Variants in VWA7 observed in about 807,000 individuals in gnomAD.
VWA7 encodes the protein von Willebrand factor A domain-containing protein 7.
Under a neutral mutation model 83.1 loss-of-function variants are expected in VWA7, and 66 were observed. The ratio of observed to expected loss-of-function variants is 0.79; its 90% CI spans 0.65 to 0.98. VWA7 has a LOEUF of 0.98. VWA7 is among the 50% of genes least tolerant of loss of function. The pLI, the probability that VWA7 is intolerant of heterozygous loss-of-function variation, is 0.00. For missense variants in VWA7, 1,080 were observed against 1,160.2 expected, an observed-to-expected ratio of 0.93 and a Z score of 1.00; for synonymous variants, 424 against 488.5, an observed-to-expected ratio of 0.87 and a Z score of 1.74.
intron 7 of VWA7, among the ~76,000 whole-genome samples, chr6:31,771,023 A>AG (rs1241162386): frequency 2.0e-5 from 3 of 149,530 alleles, no homozygotes; most frequent in Non-Finnish European, 4.4e-5. Flanking sequence ...AAAAAAAAAA[A>AG]AAAGAAAGAA....
chr6:31,770,101 A>G lies in VWA7; in HGVS notation c.1100T>C (p.Val367Ala). The G allele has an allele frequency of 6.2e-7, 1 of 1,612,906 alleles. No individual in the cohort carries two copies. Residue 367 changes from valine (V) to alanine (A), a missense_variant, in exon 8 of 17, where the codon GTC (valine) becomes GCC (alanine). Transcript: ENST00000375688. The stretch of plus-strand genomic sequence containing the variant: ...GCTGTCAGGGTCACTGGTTGTAAAG[A>G]CAGGGCCGAACCCTGGGAAGGGGAA... Reference protein sequence around the residue: ...VPFHDPGFGPVFTTSDPDSFW... With the variant: ...VPFHDPGFGPAFTTSDPDSFW...
Position 31,766,055 on chromosome 6 carries a change from G to A in VWA7, c.2327C>T (p.Ala776Val). Reference protein sequence around the residue: ...SFSLTSNLSRAHLELNESAWG... With the variant: ...SFSLTSNLSRVHLELNESAWG... Reference sequence around the variant, plus strand: ...GGCCGACTCATTCAGTTCCAGGTGAGCCCTGGAGAGAGGATATAGGCGTCG... The same window carrying A: ...GGCCGACTCATTCAGTTCCAGGTGAACCCTGGAGAGAGGATATAGGCGTCG... The change falls in exon 16 of 17, where the codon GCT (alanine) becomes GTT (valine). Residue 776 changes from alanine (A) to valine (V), a missense_variant and splice_region_variant. Transcript: ENST00000375688. The surrounding 1 kb of genome is among the most constrained non-coding windows in gnomAD (Gnocchi z 4.9). 1.2e-6 allele frequency: 2 copies of A among 1,612,970 alleles called. No homozygotes were observed. The highest frequency in any genetic ancestry group is 1.7e-6 in the Non-Finnish European group (2 of 1,180,034).
chr6:31,768,489 G>A (rs1363061136), intron 10 of VWA7, among the ~76,000 whole-genome samples: 1 of 152,084 alleles, frequency 6.6e-6, no homozygotes, highest in African/African-American at 2.4e-5. Context: ...GACTTCCTGT[G>A]GTAACCCTGG....
chr6:31,772,924 C>A, intron 7 of VWA7, 30 bp downstream of exon 7: 2 of 1,595,366 alleles, frequency 1.3e-6, no homozygotes, highest in Non-Finnish European at 1.7e-6. Context: ...ATTTTCCTCC[C>A]CTCTACTGTC....
chr6:31,767,877 A>G (rs1481304001), intron 10 of VWA7, 123 bp from the exon 11 acceptor site: 2 of 1,174,884 alleles, frequency 1.7e-6, no homozygotes, highest in African/African-American at 3.1e-5. Flanking sequence ...TCACGCCTGT[A>G]ATCCCAGCAC....
chr6:31,771,410 G>A (rs1028508931), intron 7 of VWA7: 2 of 152,272 alleles, frequency 1.3e-5, no homozygotes, highest in Non-Finnish European at 2.9e-5. Flanking sequence ...ATGGCCTGAA[G>A]CAACTGAAGA....
chr6:31,765,996 C>T lies in VWA7; in HGVS notation c.2386G>A (p.Ala796Thr). Residue 796 changes from alanine (A) to threonine (T), a missense_variant, in exon 16 of 17, where the codon GCG becomes ACG. Physicochemically the swap from Ala to Thr is moderately conservative, Grantham distance 58. Coordinates refer to ENST00000375688, the MANE Select transcript of VWA7 (RefSeq NM_025258.3). ...ACCATCACCACGGAATCCGGGGCCGCTGAATCTGGGACCTCCAGCCACAGG... is the reference window on the plus strand; with the variant it reads ...ACCATCACCACGGAATCCGGGGCCGTTGAATCTGGGACCTCCAGCCACAGG... ...GRLWLEVPDS[A>T]APDSVVMVTV... is the part of the protein sequence containing the mutation. 6.2e-7 allele frequency: 1 copy of T among 1,613,008 alleles called. No individual in the cohort carries two copies. Among genetic ancestry groups the T allele is most frequent in the South Asian group, 1.1e-5 (1 of 91,080 alleles).
rs34193146 is a variant in VWA7 at position 31,771,990 on chromosome 6, CAAAAAAAAA to C, written c.1087+955_1087+963del. The stretch of plus-strand genomic sequence containing the variant: ...TGGGCGACAGAGCGAGACTCCGTCT[CAAAAAAAAA>C]AAAAAAAAAAAAAAAAAGAAAATGG... On this transcript the variant is annotated intron_variant, in intron 7 of 16. Coordinates refer to ENST00000375688, the MANE Select transcript of VWA7 (RefSeq NM_025258.3). Among the ~76,000 whole-genome samples the C allele has an allele frequency of 9.5e-5, 4 of 41,936 alleles. No individual in the cohort carries two copies. The South Asian group carries it at 2.8e-3, about 29-fold the overall frequency. The allele number at this position is 41,936 out of a possible 152,430, so 27.5% of individuals were successfully genotyped here.
In VWA7 at chr6:31,767,443, C is replaced by T. The variant is rs752113687; in HGVS notation, c.1708G>A (p.Val570Met). 10 of 1,612,944 alleles carry T rather than the reference C, an allele frequency of 6.2e-6. No individual in the cohort carries two copies. The East Asian group carries it at 1.3e-4, about 22-fold the overall frequency. Residue 570 changes from valine (V) to methionine (M), a missense_variant, in exon 12 of 17, where the codon GTG (valine) becomes ATG (methionine). Coordinates refer to ENST00000375688, the MANE Select transcript of VWA7 (RefSeq NM_025258.3). ...HTRRFGQFWMVTMDDPPQTGT... is the reference protein window; with the variant it reads ...HTRRFGQFWMMTMDDPPQTGT... ...GTCTGTGGAGGGTCATCCATGGTCA[C>T]CATCCAGAACTGCCCAAAGCGGCGA...
rs1288794676 is a variant in VWA7, at chr6:31,773,777, G to A, written c.722-340C>T. On this transcript the variant is annotated intron_variant, in intron 5 of 16. Coordinates refer to ENST00000375688, the MANE Select transcript of VWA7 (RefSeq NM_025258.3). This position sits in a 1 kb window ranked among gnomAD's most constrained non-coding sequence, Gnocchi z 5.3. ...AAGGAAAATAGCTTGATCCCAAGAG[G>A]CGGAGGTTGCAGTGAACCGAGATCA... Among the ~76,000 whole-genome samples, 2 of 152,130 alleles carry A rather than the reference G, an allele frequency of 1.3e-5. No homozygotes were observed. The highest frequency in any genetic ancestry group is 2.9e-5 in the Non-Finnish European group (2 of 68,032).
chr6:31,773,312 G>A lies in VWA7; in HGVS notation c.847C>T (p.Leu283=). The A allele has an allele frequency of 6.2e-7, 1 of 1,608,938 alleles. No individual in the cohort carries two copies. The highest frequency in any genetic ancestry group is 8.5e-7 in the Non-Finnish European group (1 of 1,177,914). The change falls in exon 6 of 17, where the codon CTG becomes TTG. Residue 283 remains leucine, a synonymous_variant. Coordinates refer to ENST00000375688, the MANE Select transcript of VWA7 (RefSeq NM_025258.3). The surrounding 1 kb of genome is among the most constrained non-coding windows in gnomAD (Gnocchi z 5.3). ...GCCTGGATGGAGGCTAGAAGGGCCA[G>A]TTTTGCAGCCTGGAGGTGCAGCATG... is the stretch of plus-strand genomic sequence containing the variant. ...HHMLHLQAAK[L]ALLASIQAFS...
Position 31,769,148 on chromosome 6 carries a change from T to G in VWA7, c.1373A>C (p.Glu458Ala). The stretch of plus-strand genomic sequence containing the variant: ...CTCAAAACGCAGAGGGGACAAGATC[T>G]CACGCCGAGCTCGACCCTGAACCCT... The part of the protein sequence containing the change: ...TSRVQGRARR[E>A]ILSPLRFEPY... The change falls in exon 10 of 17, where the codon GAG (glutamate) becomes GCG (alanine). Residue 458 changes from glutamate to alanine, a missense_variant. By Grantham distance (107) the Glu-to-Ala change is moderately radical. Coordinates refer to ENST00000375688, the MANE Select transcript of VWA7 (RefSeq NM_025258.3). This position sits in a 1 kb window ranked among gnomAD's most constrained non-coding sequence, Gnocchi z 4.5. The G allele has an allele frequency of 6.2e-7, 1 of 1,613,094 alleles. No homozygotes were observed. Among genetic ancestry groups the G allele is most frequent in the South Asian group, 1.1e-5 (1 of 91,088 alleles).
At position 31,777,286 on chromosome 6, in the gene VWA7, C is replaced by T. The variant is rs1812778839; in HGVS notation, c.-193G>A. 1 of 511,714 alleles carries T rather than the reference C, an allele frequency of 2.0e-6. No homozygotes were observed. Among genetic ancestry groups the T allele is most frequent in the Non-Finnish European group, 3.5e-6 (1 of 286,446 alleles). The allele number at this position is 511,714 out of a possible 1,614,324, so 31.7% of individuals were successfully genotyped here. Reference sequence around the variant, plus strand: ...CTGCCCAAAGCCACAGGCAGCAGCCCACGCCAGGGCGGGCCTCCCTTGGCT... The same window carrying T: ...CTGCCCAAAGCCACAGGCAGCAGCCTACGCCAGGGCGGGCCTCCCTTGGCT... On this transcript the variant is annotated 5_prime_UTR_variant, in exon 1 of 17. Coordinates refer to ENST00000375688, the MANE Select transcript of VWA7 (RefSeq NM_025258.3). The surrounding 1 kb of genome is among the most constrained non-coding windows in gnomAD (Gnocchi z 5.8).
chr6:31,767,139 GC>G lies in VWA7; in HGVS notation c.1882+18del. On this transcript the variant is annotated intron_variant, in intron 13 of 16. Transcript: ENST00000375688. ...AAAACTGGGGGTTAGGTGGGTGGGGGCTCAGGGAATAAATGTACCTGCAACT... is the reference window on the plus strand; with the variant it reads ...AAAACTGGGGGTTAGGTGGGTGGGGGTCAGGGAATAAATGTACCTGCAACT... 8.0e-7 allele frequency: 1 copy of G among 1,245,710 alleles called. No individual in the cohort carries two copies. Among genetic ancestry groups the G allele is most frequent in the Non-Finnish European group, 1.1e-6 (1 of 923,288 alleles). The allele number at this position is 1,245,710 out of a possible 1,614,324, so 77.2% of individuals were successfully genotyped here.
Position 31,766,005 on chromosome 6 carries a change from G to C in VWA7, c.2377C>G (p.Pro793Ala). Residue 793 changes from proline (P) to alanine (A), a missense_variant, in exon 16 of 17, where the codon CCA (proline) becomes GCA (alanine). Physicochemically the swap from Pro to Ala is conservative, Grantham distance 27 (BLOSUM62 -1). Transcript: ENST00000375688. This position sits in a 1 kb window ranked among gnomAD's most constrained non-coding sequence, Gnocchi z 4.9. Reference sequence around the variant, plus strand: ...ACGGAATCCGGGGCCGCTGAATCTGGGACCTCCAGCCACAGGCGGCCCCAG... The same window carrying C: ...ACGGAATCCGGGGCCGCTGAATCTGCGACCTCCAGCCACAGGCGGCCCCAG... Reference protein sequence around the residue: ...SAWGRLWLEVPDSAAPDSVVM... With the variant: ...SAWGRLWLEVADSAAPDSVVM... 6.2e-7 allele frequency: 1 copy of C among 1,612,908 alleles called. No individual in the cohort carries two copies. The highest frequency in any genetic ancestry group is 8.5e-7 in the Non-Finnish European group (1 of 1,180,036).
chr6:31,776,431 T>C lies in VWA7; in HGVS notation c.234+115A>G. The C allele has an allele frequency of 8.1e-7, 1 of 1,231,002 alleles. No homozygotes were observed. The allele number at this position is 1,231,002 out of a possible 1,614,324, so 76.3% of individuals were successfully genotyped here. A position where few individuals can be genotyped will look rare whatever the true frequency, so the allele number is the denominator to read the frequency against. Reference sequence around the variant, plus strand: ...GACCAAGACTACTGGGTATTATTGCTGCAGGGGTGGGGCCATGGGTGTCTC... The same window carrying C: ...GACCAAGACTACTGGGTATTATTGCCGCAGGGGTGGGGCCATGGGTGTCTC... On this transcript the variant is annotated intron_variant, in intron 2 of 16. Coordinates refer to ENST00000375688, the MANE Select transcript of VWA7 (RefSeq NM_025258.3). This position sits in a 1 kb window ranked among gnomAD's most constrained non-coding sequence, Gnocchi z 6.2.
Position 31,775,410 on chromosome 6 carries a change from T to A in VWA7, c.533A>T (p.Asn178Ile), listed in dbSNP as rs745626537. 75 of 1,612,076 alleles carry A rather than the reference T, an allele frequency of 4.7e-5. No individual in the cohort carries two copies. Among genetic ancestry groups the A allele is most frequent in the Non-Finnish European group, 6.3e-5 (74 of 1,179,636 alleles). ...HALQDFYSHS[N>I]WVELGEQQPH... The stretch of plus-strand genomic sequence containing the variant: ...CTGCTGCTCGCCCAGCTCCACCCAG[T>A]TGCTATGACTGTAGAAATCCTGGTC... Residue 178 changes from asparagine to isoleucine, a missense_variant, in exon 4 of 17, where the codon AAC (asparagine) becomes ATC (isoleucine). Physicochemically the swap from Asn to Ile is moderately radical, Grantham distance 149. Coordinates refer to ENST00000375688, the MANE Select transcript of VWA7 (RefSeq NM_025258.3). The surrounding 1 kb of genome is among the most constrained non-coding windows in gnomAD (Gnocchi z 5.9).
chr6:31,769,013 C>A lies in VWA7; in HGVS notation c.1503+5G>T, dbSNP rs772913115. 8.1e-6 allele frequency: 13 copies of A among 1,608,216 alleles called. No homozygotes were observed. The highest frequency in any genetic ancestry group is 1.0e-5 in the Non-Finnish European group (12 of 1,177,844). On this transcript the variant is annotated splice_donor_5th_base_variant and intron_variant, in intron 10 of 16. Transcript: ENST00000375688. The surrounding 1 kb of genome is among the most constrained non-coding windows in gnomAD (Gnocchi z 4.5). ...TCCTAAGTGAGGGCCCTGGCCCCCA[C>A]TTACCAGGGCAGCCATGCTCTCCCC...
In VWA7 at chr6:31,766,818, A is replaced by C; in HGVS notation, c.1883-54T>G. Reference sequence around the variant, plus strand: ...TTGTGAGATTCGGAGACACAGGGAGAAAAGAATTAATGGCCTTCAAAATAG... The same window carrying C: ...TTGTGAGATTCGGAGACACAGGGAGCAAAGAATTAATGGCCTTCAAAATAG... On this transcript the variant is annotated intron_variant, in intron 13 of 16. Coordinates refer to ENST00000375688, the MANE Select transcript of VWA7 (RefSeq NM_025258.3). This position sits in a 1 kb window ranked among gnomAD's most constrained non-coding sequence, Gnocchi z 4.9. 1 of 1,543,672 alleles carries C rather than the reference A, an allele frequency of 6.5e-7. No individual in the cohort carries two copies. The highest frequency in any genetic ancestry group is 1.9e-5 in the Admixed American group (1 of 53,300).
Sources: allele counts gnomAD v4.1 joint callset (sites outside exome capture counted in the v4.1 genomes callset), GRCh38; gene constraint gnomAD v4.1.1; non-coding constraint Gnocchi (gnomAD v3.1); transcripts MANE v1.5; gene names NCBI Gene and HGNC (gene_info 2026-07-23, HGNC 2026-07-21).